Variants in DNAH7 observed in about 807,000 individuals in gnomAD.
DNAH7 encodes axonemal beta dynein heavy chain 7.
A neutral mutation model predicts 444.6 loss-of-function variants in DNAH7; 397 were observed. That is an observed-to-expected ratio of 0.89 (90% CI 0.82 to 0.97). DNAH7 has a LOEUF of 0.97. Among genes scored for constraint, DNAH7 ranks in the 50% least tolerant of loss-of-function variants. The pLI is 0.00. For missense variants in DNAH7, 4,902 were observed against 4,800.8 expected (o/e 1.02, Z -0.62); for synonymous variants, 1,636 against 1,624.4 (o/e 1.01, Z -0.17).
At chr2:195,955,881 T>C (rs1427835669) in intron 19 of DNAH7, among the ~76,000 whole-genome samples, 8 of 152,172 alleles carry the variant, frequency 5.3e-5, no homozygotes, top group African/African-American at 1.9e-4. Context: ...GTAAGGAAAC[T>C]ATATATAAAA....
At chr2:195,893,056 T>G (rs1411973141) in intron 30 of DNAH7, 1 of 146,424 alleles carries the variant, frequency 6.8e-6, no homozygotes, top group East Asian at 2.1e-4. Flanking sequence ...TCCTCTCACC[T>G]CAGCCTCCTG....
Position 195,817,815 on chromosome 2 carries a change from G to A in DNAH7, c.9306C>T (p.Asn3102=), listed in dbSNP as rs200369750. ...GCATTCCCTCAGGGGTTATCATGAA[G>A]TTTAATAATGTTACCTATAAATGAA... The part of the protein sequence containing the change: ...PETSVKVTLL[N]FMITPEGMQD... Residue 3102 remains asparagine (N), a synonymous_variant, in exon 50 of 65, where the codon AAC becomes AAT. Transcript: ENST00000312428. The A allele has an allele frequency of 4.4e-6, 7 of 1,580,726 alleles. No homozygotes were observed. The highest frequency in any genetic ancestry group is 6.0e-6 in the Non-Finnish European group (7 of 1,169,054).
chr2:195,916,838 G>A (rs1178154261), intron 24 of DNAH7, among the ~76,000 whole-genome samples: 5 of 151,640 alleles, frequency 3.3e-5, no homozygotes, highest in African/African-American at 9.7e-5. Context: ...GGTGGCTCAC[G>A]CCCGTAATTC....
intron 36 of DNAH7, 65 bp downstream of exon 36, chr2:195,881,730 C>G: frequency 6.8e-7 from 1 of 1,465,414 alleles, no homozygotes; most frequent in Non-Finnish European, 9.3e-7. Context: ...TATTTGTCTG[C>G]TATTTCAAAA....
chr2:195,875,943 CAGA>C lies in DNAH7; in HGVS notation c.6118-103_6118-101del, dbSNP rs1408912097. The C allele has an allele frequency of 1.3e-4, 150 of 1,146,104 alleles. No individual in the cohort carries two copies. In the East Asian group the frequency reaches 3.1e-3, roughly 24 times the overall value. 71.0% of individuals were successfully genotyped at this position (1,146,104 alleles called of 1,614,324 possible). ...AGGCAAATACTTAGCTATCTATTTG[CAGA>C]GTACATATGAGGAAGTGATGGTTTC... On this transcript the variant is annotated intron_variant, in intron 37 of 64. Transcript: ENST00000312428.
chr2:195,818,947 A>G (rs1469227395), intron 49 of DNAH7, among the ~76,000 whole-genome samples: 1 of 151,934 alleles, frequency 6.6e-6, no homozygotes, highest in Non-Finnish European at 1.5e-5. Context: ...ATTTTTATGG[A>G]TACATAACAG....
chr2:195,795,424 C>T (rs931034276), intron 56 of DNAH7, among the ~76,000 whole-genome samples: 4 of 152,046 alleles, frequency 2.6e-5, no homozygotes, highest in African/African-American at 9.7e-5. Context: ...TGATATAAGG[C>T]GTGAAGTATG....
chr2:195,884,581 T>C lies in DNAH7; in HGVS notation c.5763+4A>G, dbSNP rs530903295. 6.2e-7 allele frequency: 1 copy of C among 1,611,656 alleles called. No homozygotes were observed. The highest frequency in any genetic ancestry group is 1.3e-5 in the African/African-American group (1 of 75,012). On this transcript the variant is annotated splice_donor_region_variant and intron_variant, in intron 35 of 64. Coordinates refer to ENST00000312428, the MANE Select transcript of DNAH7 (RefSeq NM_018897.3). ...AGCTGCAAATCTTGCTTCAGAACTC[T>C]TACCTCAGTGACAAATTGATAATCA...
At position 195,919,633 on chromosome 2, in the gene DNAH7, C is replaced by G. The variant is rs971609412; in HGVS notation, c.3935+2455G>C. ...GTGCTGGGATCACAGGCATGAGCCA[C>G]CACACCAGGCCAAAAAGTCTACTTT... On this transcript the variant is annotated intron_variant, in intron 24 of 64. Transcript: ENST00000312428. Among the ~76,000 whole-genome samples the G allele has an allele frequency of 2.2e-4, 34 of 152,250 alleles. 1 individual carries two copies. Among genetic ancestry groups the G allele is most frequent in the African/African-American group, 7.9e-4 (33 of 41,556 alleles).
At chr2:195,981,596 G>A (rs935332210) in intron 15 of DNAH7, among the ~76,000 whole-genome samples, 3 of 152,132 alleles carry the variant, frequency 2.0e-5, no homozygotes, top group African/African-American at 7.2e-5. Flanking sequence ...AAATAGCATG[G>A]TGCTTGCAGA....
At chr2:195,931,773 T>C (rs1045726878) in intron 21 of DNAH7, among the ~76,000 whole-genome samples, 10 of 152,360 alleles carry the variant, frequency 6.6e-5, no homozygotes, top group African/African-American at 9.6e-5. Flanking sequence ...TTCTGTTACA[T>C]TGGTCTACAT....
At chr2:195,960,141 A>G (rs1690982475) in intron 18 of DNAH7, 119 bp downstream of exon 18, 1 of 842,338 alleles carries the variant, frequency 1.2e-6, no homozygotes, top group East Asian at 2.8e-5. Flanking sequence ...AATTCTCAAA[A>G]GAAATAAAAT....
At chr2:196,061,420 A>C (rs1275669036) in intron 1 of DNAH7, among the ~76,000 whole-genome samples, 1 of 152,152 alleles carries the variant, frequency 6.6e-6, no homozygotes, top group Non-Finnish European at 1.5e-5. Context: ...CTCTAACTTA[A>C]TGTGTCCAAA....
intron 49 of DNAH7, among the ~76,000 whole-genome samples, chr2:195,818,426 G>C (rs950445633): frequency 7.9e-5 from 12 of 152,000 alleles, no homozygotes; most frequent in Non-Finnish European, 1.8e-4. Context: ...GCTTCATCTG[G>C]GGACCTAATT....
At chr2:195,824,168 G>T in intron 49 of DNAH7, 87 bp downstream of exon 49, 1 of 1,260,916 alleles carries the variant, frequency 7.9e-7, no homozygotes, top group Non-Finnish European at 1.1e-6. Flanking sequence ...TTTTTCTTAG[G>T]AAGACTTGTT....
intron 40 of DNAH7, among the ~76,000 whole-genome samples, chr2:195,866,824 C>T (rs905105579): frequency 1.3e-5 from 2 of 152,112 alleles, no homozygotes; most frequent in Non-Finnish European, 2.9e-5. Flanking sequence ...TGAATTCCCA[C>T]GTGTTGTGGG....
In DNAH7 at chr2:195,794,408, G is replaced by T. The variant is rs375991860; in HGVS notation, c.10646C>A (p.Ala3549Asp). ...MTNEAPKGLR[A>D]NIIRSYLMDP... ...CATGAGGTATGATCGAATGATATTA[G>T]CCCGTAAACCTTTTGGTGCTTCATT... is the stretch of plus-strand genomic sequence containing the variant. The change falls in exon 57 of 65, where the codon GCT becomes GAT. Residue 3549 changes from alanine to aspartate, a missense_variant. Coordinates refer to ENST00000312428, the MANE Select transcript of DNAH7 (RefSeq NM_018897.3). 13 of 1,614,116 alleles carry T rather than the reference G, an allele frequency of 8.1e-6. No individual in the cohort carries two copies. The African/African-American group carries it at 1.6e-4, about 20-fold the overall frequency.
At chr2:195,745,131 T>C (rs1250249238) in intron 63 of DNAH7, among the ~76,000 whole-genome samples, 1 of 152,132 alleles carries the variant, frequency 6.6e-6, no homozygotes, top group Non-Finnish European at 1.5e-5. Flanking sequence ...AATGTGTAAC[T>C]AGAATAACCA....
At chr2:195,846,999 C>A (rs1322585449) in intron 46 of DNAH7, among the ~76,000 whole-genome samples, 3 of 132,362 alleles carry the variant, frequency 2.3e-5, no homozygotes, top group East Asian at 4.0e-4. Flanking sequence ...TCAGTTCTGC[C>A]CTTTTAGAGA....
Sources: allele counts gnomAD v4.1 joint callset (sites outside exome capture counted in the v4.1 genomes callset), GRCh38; gene constraint gnomAD v4.1.1; transcripts MANE v1.5; gene names NCBI Gene and HGNC (gene_info 2026-07-23, HGNC 2026-07-21).